TPCN1: variants seen among roughly 807,000 people sequenced by gnomAD.
The protein encoded by TPCN1 is two pore channel protein 1.
Under a neutral mutation model 108.8 loss-of-function variants are expected in TPCN1, and 52 were observed. The observed-to-expected ratio is 0.48, with a 90% confidence interval of 0.38 to 0.60. TPCN1 has a LOEUF of 0.60. Among genes scored for constraint, TPCN1 ranks in the 20% least tolerant of loss-of-function variants. The pLI is 0.00. For synonymous variants in TPCN1, 446 were observed against 433.7 expected (o/e 1.03, Z -0.35); for missense variants, 806 against 1,072.8 (o/e 0.75, Z 3.47).
intron 10 of TPCN1, among the ~76,000 whole-genome samples, chr12:113,276,372 G>A (rs1247182540): frequency 6.6e-6 from 1 of 152,160 alleles, no homozygotes; most frequent in Non-Finnish European, 1.5e-5. Flanking sequence ...ACTCTAGAAC[G>A]TTATTTCCTT....
At position 113,288,888 on chromosome 12, in the gene TPCN1, C is replaced by T. The variant is rs775658696; in HGVS notation, c.1796+41C>T. The T allele has an allele frequency of 2.2e-5, 35 of 1,599,328 alleles. No individual in the cohort carries two copies. Among genetic ancestry groups the T allele is most frequent in the Admixed American group, 2.2e-4 (13 of 59,976 alleles). ...CCAGCCCCAGGCAGCCTGCATTTCC[C>T]GGGCAGAGGGCTGGCCAGGGCCAGG... is the stretch of plus-strand genomic sequence containing the variant. On this transcript the variant is annotated intron_variant, in intron 21 of 27. Coordinates refer to ENST00000335509, the MANE Select transcript of TPCN1 (RefSeq NM_017901.6). The surrounding 1 kb of genome is among the most constrained non-coding windows in gnomAD (Gnocchi z 4.8).
chr12:113,234,182 C>T lies in TPCN1; in HGVS notation c.112+7218C>T, dbSNP rs562548288. On this transcript the variant is annotated intron_variant, in intron 2 of 27. Coordinates refer to ENST00000335509, the MANE Select transcript of TPCN1 (RefSeq NM_017901.6). ...CGAGACAGGGCAAGTGAACACCAGA[C>T]CACAAAGGACAGCTACAGTGTCACC... Among the ~76,000 whole-genome samples the T allele has an allele frequency of 4.6e-5, 7 of 152,292 alleles. No homozygotes were observed. In the East Asian group the frequency reaches 9.6e-4, roughly 21 times the overall value.
At chr12:113,250,665 T>C (rs1954598190) in intron 2 of TPCN1, among the ~76,000 whole-genome samples, 1 of 152,188 alleles carries the variant, frequency 6.6e-6, no homozygotes, top group African/African-American at 2.4e-5. Context: ...CATTAAGAAT[T>C]ATTTCCCGGC....
rs1566195370 is a variant in TPCN1 at position 113,284,566 on chromosome 12, GC to G, written c.1343-13del. The stretch of plus-strand genomic sequence containing the variant: ...CCTGTTATTTCTCTGTCTTTTACGG[GC>G]CTGTGTATTTCAGACTTGGTGGTGG... On this transcript the variant is annotated splice_polypyrimidine_tract_variant and intron_variant, in intron 15 of 27. Coordinates refer to ENST00000335509, the MANE Select transcript of TPCN1 (RefSeq NM_017901.6). The surrounding 1 kb of genome is among the most constrained non-coding windows in gnomAD (Gnocchi z 4.1). 2.5e-6 allele frequency: 4 copies of G among 1,614,060 alleles called. No individual in the cohort carries two copies. The South Asian group carries it at 4.4e-5, about 18-fold the overall frequency.
chr12:113,279,082 G>A (rs1434189676), intron 14 of TPCN1, among the ~76,000 whole-genome samples: 3 of 151,688 alleles, frequency 2.0e-5, no homozygotes, highest in Non-Finnish European at 4.4e-5. Flanking sequence ...AAGACATTTG[G>A]GGTATTTTTC....
Position 113,296,256 on chromosome 12 carries a change from T to G in TPCN1, c.*180T>G, listed in dbSNP as rs986261973. 4 of 981,902 alleles carry G rather than the reference T, an allele frequency of 4.1e-6. No individual in the cohort carries two copies. The African/African-American group carries it at 6.5e-5, about 16-fold the overall frequency. 60.8% of individuals were successfully genotyped at this position (981,902 alleles called of 1,614,324 possible). A position where few individuals can be genotyped will look rare whatever the true frequency, so the allele number is the denominator to read the frequency against. On this transcript the variant is annotated 3_prime_UTR_variant, in exon 28 of 28. Coordinates refer to ENST00000335509, the MANE Select transcript of TPCN1 (RefSeq NM_017901.6). ...ACCACCTTGCCCTGTCTTCCTTAACTCCAGAAGCCAGTTTGGTGAGGGGTG... is the reference window on the plus strand; with the variant it reads ...ACCACCTTGCCCTGTCTTCCTTAACGCCAGAAGCCAGTTTGGTGAGGGGTG...
Position 113,282,714 on chromosome 12 carries a change from G to A in TPCN1, c.1343-1867G>A, listed in dbSNP as rs148950686. Reference sequence around the variant, plus strand: ...TGAGGCTGCAGTGTGCCATGATCGCGCCACTGCACTCCAGCCTGGGCAACA... The same window carrying A: ...TGAGGCTGCAGTGTGCCATGATCGCACCACTGCACTCCAGCCTGGGCAACA... On this transcript the variant is annotated intron_variant, in intron 15 of 27. Transcript: ENST00000335509. Among the ~76,000 whole-genome samples the A allele has an allele frequency of 4.9e-3, 731 of 150,458 alleles. 9 individuals carry two copies. Among genetic ancestry groups the A allele is most frequent in the African/African-American group, 0.016 (664 of 40,872 alleles).
chr12:113,292,237 C>T (rs1336261537), intron 25 of TPCN1: 4 of 429,776 alleles, frequency 9.3e-6, no homozygotes, highest in Non-Finnish European at 1.7e-5. Flanking sequence ...AGCAGCAGCC[C>T]CTGCCCTGCC....
chr12:113,228,409 T>A (rs1953551509), intron 2 of TPCN1, among the ~76,000 whole-genome samples: 1 of 152,102 alleles, frequency 6.6e-6, no homozygotes, highest in Non-Finnish European at 1.5e-5. Flanking sequence ...TGACTTTGAG[T>A]TCAAGACCAA....
chr12:113,225,653 C>T (rs1953442898), intron 1 of TPCN1, among the ~76,000 whole-genome samples: 1 of 152,126 alleles, frequency 6.6e-6, no homozygotes, highest in Admixed American at 6.5e-5. Flanking sequence ...CTTCCGGGTT[C>T]AAGCGATTCT....
At chr12:113,224,431 C>T (rs1953392809) in intron 1 of TPCN1, among the ~76,000 whole-genome samples, 1 of 152,218 alleles carries the variant, frequency 6.6e-6, no homozygotes, top group Admixed American at 6.5e-5. Context: ...GAGTCTCGCT[C>T]TGTCGCCCAG....
rs1188757242 is a variant in TPCN1 at position 113,288,317 on chromosome 12, G to A, written c.1706+83G>A. 4 of 1,590,156 alleles carry A rather than the reference G, an allele frequency of 2.5e-6. No homozygotes were observed. Among genetic ancestry groups the A allele is most frequent in the Non-Finnish European group, 3.4e-6 (4 of 1,170,700 alleles). ...GGGGGCGGGAGCCGAGTGGCAGTCG[G>A]GGGAAAGGAGTTCCACAAAGGACTG... On this transcript the variant is annotated intron_variant, in intron 20 of 27. Coordinates refer to ENST00000335509, the MANE Select transcript of TPCN1 (RefSeq NM_017901.6). This position sits in a 1 kb window ranked among gnomAD's most constrained non-coding sequence, Gnocchi z 4.8.
intron 2 of TPCN1, among the ~76,000 whole-genome samples, chr12:113,234,301 A>G (rs1177097093): frequency 1.3e-5 from 2 of 152,236 alleles, no homozygotes; most frequent in African/African-American, 4.8e-5. Flanking sequence ...CATGGTGGTT[A>G]GAACAAGAAA....
At chr12:113,248,937 C>G (rs1320812797) in intron 2 of TPCN1, among the ~76,000 whole-genome samples, 5 of 152,270 alleles carry the variant, frequency 3.3e-5, no homozygotes, top group African/African-American at 1.2e-4. Flanking sequence ...TAGGGGAGAG[C>G]TGTTTTGGGC....
rs1437460348 is a variant in TPCN1, at chr12:113,243,894, C to T, written c.113-16474C>T. ...AAGTGGGCATCTCAGGCTGCAGTCA[C>T]TGCCCCCGATGATTTTGATGTGCTC... On this transcript the variant is annotated intron_variant, in intron 2 of 27. Transcript: ENST00000335509. Among the ~76,000 whole-genome samples the T allele has an allele frequency of 2.6e-5, 4 of 152,236 alleles. No individual in the cohort carries two copies. In the South Asian group the frequency reaches 8.3e-4, roughly 31 times the overall value.
intron 2 of TPCN1, among the ~76,000 whole-genome samples, chr12:113,254,421 T>C (rs1382762212): frequency 6.6e-6 from 1 of 152,116 alleles, no homozygotes; most frequent in Non-Finnish European, 1.5e-5. Flanking sequence ...ATGCAAAAAA[T>C]TTAAACAATT....
rs1324037109 is a variant in TPCN1 at position 113,232,450 on chromosome 12, C to T, written c.112+5486C>T. Reference sequence around the variant, plus strand: ...GCCAGGAGGAGTTGGGAGAGATCCTCGCCGGCTGGCACCAGAGAAGAATAC... The same window carrying T: ...GCCAGGAGGAGTTGGGAGAGATCCTTGCCGGCTGGCACCAGAGAAGAATAC... On this transcript the variant is annotated intron_variant, in intron 2 of 27. Coordinates refer to ENST00000335509, the MANE Select transcript of TPCN1 (RefSeq NM_017901.6). This position sits in a 1 kb window ranked among gnomAD's most constrained non-coding sequence, Gnocchi z 5.6. Among the ~76,000 whole-genome samples the T allele has an allele frequency of 3.3e-5, 5 of 152,248 alleles. No individual in the cohort carries two copies. Among genetic ancestry groups the T allele is most frequent in the East Asian group, 3.9e-4 (2 of 5,194 alleles).
chr12:113,229,069 T>C (rs1953578892), intron 2 of TPCN1, among the ~76,000 whole-genome samples: 1 of 152,148 alleles, frequency 6.6e-6, no homozygotes, highest in South Asian at 2.1e-4. Flanking sequence ...AAGATCAGGC[T>C]TTGAATGTTG....
intron 3 of TPCN1, among the ~76,000 whole-genome samples, chr12:113,264,622 T>G (rs968425152): frequency 2.0e-5 from 3 of 151,016 alleles, no homozygotes; most frequent in African/African-American, 7.3e-5. Context: ...GAGGTTGCAG[T>G]GAGCCAAGAT....
Sources: allele counts gnomAD v4.1 joint callset (sites outside exome capture counted in the v4.1 genomes callset), GRCh38; gene constraint gnomAD v4.1.1; non-coding constraint Gnocchi (gnomAD v3.1); transcripts MANE v1.5; gene names NCBI Gene and HGNC (gene_info 2026-07-23, HGNC 2026-07-21).